DCD: variants seen among roughly 807,000 people sequenced by gnomAD.
The protein encoded by DCD is dermcidin.
Under a neutral mutation model 14.5 loss-of-function variants are expected in DCD, and 17 were observed. The observed-to-expected ratio is 1.18, with a 90% CI of 0.81 to 1.76. The LOEUF is 1.76. Among genes scored for constraint, DCD ranks in the 40% most tolerant of loss-of-function variants. DCD has a pLI of 0.00. For missense variants in DCD, 139 were observed against 133.4 expected, an observed-to-expected ratio of 1.04 and a Z score of -0.21; for synonymous variants, 64 against 54.0, an observed-to-expected ratio of 1.19 and a Z score of -0.82.
At chr12:54,647,901 G>C (rs1386950986) in intron 1 of DCD, among the ~76,000 whole-genome samples, 3 of 152,158 alleles carry the variant, frequency 2.0e-5, no homozygotes, top group Admixed American at 6.5e-5. Flanking sequence ...TGACGTGGGT[G>C]GGTGAAATAA....
At position 54,645,168 on chromosome 12, in the gene DCD, C is replaced by G; in HGVS notation, c.289+5G>C. Reference sequence around the variant, plus strand: ...CCTGAGGGAGGAGTGGGGACATATACTCACCTTTACCCACGCTTTCTAGAT... The same window carrying G: ...CCTGAGGGAGGAGTGGGGACATATAGTCACCTTTACCCACGCTTTCTAGAT... On this transcript the variant is annotated splice_donor_5th_base_variant and intron_variant, in intron 4 of 4. Transcript: ENST00000293371. The G allele has an allele frequency of 6.2e-7, 1 of 1,613,874 alleles. No homozygotes were observed. The highest frequency in any genetic ancestry group is 8.5e-7 in the Non-Finnish European group (1 of 1,179,850).
intron 2 of DCD, 93 bp downstream of exon 2, chr12:54,647,028 C>A (rs1423760748): frequency 1.2e-5 from 16 of 1,347,404 alleles, no homozygotes; most frequent in Admixed American, 9.3e-5. Flanking sequence ...CTTCCCCGGA[C>A]CCCCCTTCTG....
At chr12:54,645,428 G>A (rs567446901) in intron 3 of DCD, among the ~76,000 whole-genome samples, 166 bp from the exon 4 acceptor site, 1 of 152,314 alleles carries the variant, frequency 6.6e-6, no homozygotes, top group Admixed American at 6.5e-5. Context: ...AGTATTAGCT[G>A]CAAAACCTAT....
rs11338265 is a variant in DCD at position 54,644,624 on chromosome 12, A to ATTT, written c.*86_*88dup. 1.4e-3 allele frequency: 922 copies of ATTT among 651,216 alleles called. 3 individuals carry two copies. The highest frequency in any genetic ancestry group is 6.0e-3 in the African/African-American group (280 of 46,512). The allele number at this position is 651,216 out of a possible 1,614,324, so 40.3% of individuals were successfully genotyped here. On this transcript the variant is annotated 3_prime_UTR_variant, in exon 5 of 5. Coordinates refer to ENST00000293371, the MANE Select transcript of DCD (RefSeq NM_053283.4). ...GCTTTCAGTTTAATAGCTGTTTTAA[A>ATTT]TTTTTTTTTTTTTTTTTTTTTTTAG...
Position 54,644,634 on chromosome 12 carries a change from T to TTTG in DCD, c.*78_*79insCAA. The stretch of plus-strand genomic sequence containing the variant: ...TAATAGCTGTTTTAAATTTTTTTTT[T>TTTG]TTTTTTTTTTTTTAGGTTTTAGGCT... On this transcript the variant is annotated 3_prime_UTR_variant, in exon 5 of 5. Coordinates refer to ENST00000293371, the MANE Select transcript of DCD (RefSeq NM_053283.4). 1 of 1,046,516 alleles carries TTTG rather than the reference T, an allele frequency of 9.6e-7. No individual in the cohort carries two copies. The highest frequency in any genetic ancestry group is 1.4e-6 in the Non-Finnish European group (1 of 724,030). The allele number at this position is 1,046,516 out of a possible 1,614,324, so 64.8% of individuals were successfully genotyped here. A position where few individuals can be genotyped will look rare whatever the true frequency, so the allele number is the denominator to read the frequency against.
intron 1 of DCD, 101 bp from the exon 2 acceptor site, chr12:54,647,260 T>C: frequency 8.6e-7 from 1 of 1,157,370 alleles, no homozygotes; most frequent in Non-Finnish European, 1.2e-6. Context: ...ATCTCAGGAG[T>C]GTGGCAGTGG....
chr12:54,645,456 T>G (rs867324744), intron 3 of DCD, 150 bp downstream of exon 3: 2 of 823,372 alleles, frequency 2.4e-6, no homozygotes, highest in South Asian at 1.7e-5. Context: ...AAACCCTGTA[T>G]GTAGAAGCAG....
chr12:54,647,511 G>A (rs1181525434), intron 1 of DCD, among the ~76,000 whole-genome samples: 2 of 152,222 alleles, frequency 1.3e-5, no homozygotes, highest in African/African-American at 4.8e-5. Flanking sequence ...CAGGGCAGGA[G>A]TTGTTCTGAT....
At chr12:54,647,673 GC>G (rs1052950188) in intron 1 of DCD, among the ~76,000 whole-genome samples, 3 of 152,238 alleles carry the variant, frequency 2.0e-5, no homozygotes, top group African/African-American at 7.2e-5. Flanking sequence ...GCTCGGGGAA[GC>G]TGACAGTCAA....
In DCD at chr12:54,648,287, A is replaced by C; in HGVS notation, c.17T>G (p.Leu6Arg). Residue 6 changes from leucine (L) to arginine (R), a missense_variant, in exon 1 of 5, where the codon CTC becomes CGC. Coordinates refer to ENST00000293371, the MANE Select transcript of DCD (RefSeq NM_053283.4). ...TCCTGCCAGAGCTGTCAGGAAGAGGAGAGTCATGAACCTCATGCTTCTGTG... is the reference window on the plus strand; with the variant it reads ...TCCTGCCAGAGCTGTCAGGAAGAGGCGAGTCATGAACCTCATGCTTCTGTG... MRFMT[L>R]LFLTALAGAL... 6.2e-7 allele frequency: 1 copy of C among 1,613,932 alleles called. No homozygotes were observed. The highest frequency in any genetic ancestry group is 8.5e-7 in the Non-Finnish European group (1 of 1,179,960).
Position 54,645,713 on chromosome 12 carries a change from A to G in DCD, c.98-6T>C, listed in dbSNP as rs1028108763. On this transcript the variant is annotated splice_region_variant and splice_polypyrimidine_tract_variant and intron_variant, in intron 2 of 4. Transcript: ENST00000293371. ...TGCTGATGCTTCATGGCAAGCTGCA[A>G]GGGTAAGGGAGTGAGAGGAATAATA... 2 of 1,612,472 alleles carry G rather than the reference A, an allele frequency of 1.2e-6. No homozygotes were observed. The highest frequency in any genetic ancestry group is 3.3e-5 in the Admixed American group (2 of 60,012).
At chr12:54,647,229 C>T (rs1958268737) in intron 1 of DCD, 70 bp from the exon 2 acceptor site, 1 of 1,459,484 alleles carries the variant, frequency 6.9e-7, no homozygotes, top group Non-Finnish European at 9.3e-7. Context: ...GCCAGGGCTG[C>T]CTAGAATTCC....
chr12:54,647,017 C>T lies in DCD; in HGVS notation c.97+104G>A, dbSNP rs1056168078. On this transcript the variant is annotated intron_variant, in intron 2 of 4. Transcript: ENST00000293371. ...TCCTAAAAGTCGGCCTCCCAACTCT[C>T]CTTCCCCGGACCCCCCTTCTGCTTC... is the stretch of plus-strand genomic sequence containing the variant. 1.7e-5 allele frequency: 21 copies of T among 1,254,598 alleles called. No homozygotes were observed. The African/African-American group carries it at 3.0e-4, about 18-fold the overall frequency. The allele number at this position is 1,254,598 out of a possible 1,614,324, so 77.7% of individuals were successfully genotyped here. A position where few individuals can be genotyped will look rare whatever the true frequency, so the allele number is the denominator to read the frequency against.
At chr12:54,645,296 A>G (rs768031877) in intron 3 of DCD, 34 bp from the exon 4 acceptor site, 2 of 1,600,536 alleles carry the variant, frequency 1.2e-6, no homozygotes, top group Non-Finnish European at 1.7e-6. Flanking sequence ...AGGTCATAGA[A>G]GCAGAAAAAC....
In DCD at chr12:54,645,212, C is replaced by G. The variant is rs769547788; in HGVS notation, c.250G>C (p.Gly84Arg). ...KKAVGGLGKL[G>R]KDAVEDLESV... is the part of the protein sequence containing the mutation. ...TCTAGATCTTCGACTGCATCTTTTCCTAGTTTTCCGAGTCCCCCCACAGCT... is the reference window on the plus strand; with the variant it reads ...TCTAGATCTTCGACTGCATCTTTTCGTAGTTTTCCGAGTCCCCCCACAGCT... The change falls in exon 4 of 5, where the codon GGA becomes CGA. Residue 84 changes from glycine to arginine, a missense_variant. Transcript: ENST00000293371. 1 of 1,614,064 alleles carries G rather than the reference C, an allele frequency of 6.2e-7. No individual in the cohort carries two copies. The highest frequency in any genetic ancestry group is 8.5e-7 in the Non-Finnish European group (1 of 1,180,014).
intron 4 of DCD, 162 bp from the exon 5 acceptor site, chr12:54,644,918 G>T (rs150921024): frequency 1.3e-6 from 2 of 1,549,774 alleles, no homozygotes; most frequent in South Asian, 2.4e-5. Context: ...AGATTCACAG[G>T]AGCCCCAAAG....
At chr12:54,648,099 G>T in intron 1 of DCD, 147 bp downstream of exon 1, 1 of 823,176 alleles carries the variant, frequency 1.2e-6, no homozygotes, top group Non-Finnish European at 1.9e-6. Flanking sequence ...TAGAGTCCCT[G>T]TGTGGAGAAC....
intron 4 of DCD, 22 bp from the exon 5 acceptor site, chr12:54,644,778 A>G (rs780289515): frequency 6.3e-7 from 1 of 1,598,302 alleles, no homozygotes. Flanking sequence ...ACAGAAAAAA[A>G]TGGGGTAAAG....
chr12:54,644,878 G>A (rs1056689784), intron 4 of DCD, 122 bp from the exon 5 acceptor site: 3 of 1,551,146 alleles, frequency 1.9e-6, no homozygotes, highest in African/African-American at 2.7e-5. Context: ...GCCTGGAGGT[G>A]CTTACACAGA....
Sources: allele counts gnomAD v4.1 joint callset (sites outside exome capture counted in the v4.1 genomes callset), GRCh38; gene constraint gnomAD v4.1.1; transcripts MANE v1.5; gene names NCBI Gene and HGNC (gene_info 2026-07-23, HGNC 2026-07-21).